Variants in WASF3 observed in about 807,000 individuals in gnomAD.
WASF3 encodes actin-binding protein WASF3.
A neutral mutation model predicts 46.6 loss-of-function variants in WASF3; 11 were observed. The observed-to-expected ratio is 0.24, with a 90% CI of 0.15 to 0.39. The LOEUF (loss-of-function observed/expected upper bound fraction) is 0.39. Among genes scored for constraint, WASF3 ranks in the 10% least tolerant of loss-of-function variants. The probability of loss-of-function intolerance (pLI) is 1.00; values close to 1 mark genes in which losing one functional copy is unlikely to be tolerated. For missense variants in WASF3, 576 were observed against 669.8 expected, an observed-to-expected ratio of 0.86 and a Z score of 1.55; for synonymous variants, 242 against 259.7, an observed-to-expected ratio of 0.93 and a Z score of 0.65.
rs182349858 is a variant in WASF3 at position 26,666,709 on chromosome 13, C to T, written c.269-808C>T. 6.6e-3 allele frequency among the ~76,000 whole-genome samples: 1,001 copies of T among 152,046 alleles called. 31 individuals carry two copies. Among genetic ancestry groups the T allele is most frequent in the Non-Finnish European group, 4.6e-3 (312 of 67,964 alleles). On this transcript the variant is annotated intron_variant, in intron 4 of 9. Coordinates refer to ENST00000335327, the MANE Select transcript of WASF3 (RefSeq NM_006646.6). ...GGTCAGGAGATCAAGACCATCCTGGCTAACATGGTGAAACCCGGTCTCTAC... is the reference window on the plus strand; with the variant it reads ...GGTCAGGAGATCAAGACCATCCTGGTTAACATGGTGAAACCCGGTCTCTAC...
chr13:26,679,940 G>A lies in WASF3; in HGVS notation c.717-1114G>A. Reference sequence around the variant, plus strand: ...CTGTGCCACATGGTGCCCCAGTTAAGAAAAGCTACCAACTGGAATCCCAAA... The same window carrying A: ...CTGTGCCACATGGTGCCCCAGTTAAAAAAAGCTACCAACTGGAATCCCAAA... On this transcript the variant is annotated intron_variant, in intron 7 of 9. Transcript: ENST00000335327. The surrounding 1 kb of genome is among the most constrained non-coding windows in gnomAD (Gnocchi z 4.8). 6.9e-7 allele frequency: 1 copy of A among 1,456,498 alleles called. No individual in the cohort carries two copies. The highest frequency in any genetic ancestry group is 9.2e-7 in the Non-Finnish European group (1 of 1,088,270). 90.2% of individuals were successfully genotyped at this position (1,456,498 alleles called of 1,614,324 possible).
In WASF3 at chr13:26,674,066, C is replaced by A. The variant is rs1593183477; in HGVS notation, c.540+2077C>A. Among the ~76,000 whole-genome samples, 3 of 152,242 alleles carry A rather than the reference C, an allele frequency of 2.0e-5. No individual in the cohort carries two copies. The South Asian group carries it at 6.2e-4, about 32-fold the overall frequency. On this transcript the variant is annotated intron_variant, in intron 6 of 9. Transcript: ENST00000335327. ...CATCCTGGGGGAGGAACCAGTTTGGCAGCTTCTAAGGATTTTAATGTAGGC... is the reference window on the plus strand; with the variant it reads ...CATCCTGGGGGAGGAACCAGTTTGGAAGCTTCTAAGGATTTTAATGTAGGC...
intron 2 of WASF3, among the ~76,000 whole-genome samples, chr13:26,631,307 C>G (rs538588460): frequency 6.6e-6 from 1 of 152,232 alleles, no homozygotes; most frequent in South Asian, 2.1e-4. Context: ...GGTTTTAGGT[C>G]TAACATTTAA....
chr13:26,657,169 T>G lies in WASF3; in HGVS notation c.134-7859T>G, dbSNP rs1285943244. Reference sequence around the variant, plus strand: ...GCCAGCAGAATTTCAACAAAATCCCTTGTCAACAAAACTTCACAAAGTGCC... The same window carrying G: ...GCCAGCAGAATTTCAACAAAATCCCGTGTCAACAAAACTTCACAAAGTGCC... On this transcript the variant is annotated intron_variant, in intron 3 of 9. Transcript: ENST00000335327. Among the ~76,000 whole-genome samples the G allele has an allele frequency of 3.3e-5, 5 of 152,342 alleles. No individual in the cohort carries two copies. In the East Asian group the frequency reaches 9.6e-4, roughly 29 times the overall value.
At position 26,682,333 on chromosome 13, in the gene WASF3, G is replaced by C. The variant is rs375269470; in HGVS notation, c.984-274G>C. ...GCCGTCCTGGCCTCTGCAGTCAGCT[G>C]CTTTATTCTGCCTTTCTTCAGGAAG... On this transcript the variant is annotated intron_variant, in intron 8 of 9. Transcript: ENST00000335327. This position sits in a 1 kb window ranked among gnomAD's most constrained non-coding sequence, Gnocchi z 4.4. Among the ~76,000 whole-genome samples the C allele has an allele frequency of 2.6e-4, 39 of 152,342 alleles. No homozygotes were observed. Among genetic ancestry groups the C allele is most frequent in the African/African-American group, 8.9e-4 (37 of 41,574 alleles).
chr13:26,673,894 G>T (rs1882988848), intron 6 of WASF3, among the ~76,000 whole-genome samples: 1 of 152,174 alleles, frequency 6.6e-6, no homozygotes, highest in African/African-American at 2.4e-5. Flanking sequence ...CTCTAAGGAG[G>T]TGTCATGCAG....
chr13:26,665,303 A>G, intron 4 of WASF3, 141 bp downstream of exon 4: 1 of 994,182 alleles, frequency 1.0e-6, no homozygotes, highest in South Asian at 1.7e-5. Flanking sequence ...AGCGAGGGGG[A>G]AAAACCTACA....
intron 8 of WASF3, among the ~76,000 whole-genome samples, chr13:26,681,856 C>T (rs1883241288): frequency 6.6e-6 from 1 of 152,050 alleles, no homozygotes; most frequent in Non-Finnish European, 1.5e-5. Flanking sequence ...ATTTAGGCAC[C>T]CACCTCTCTT....
intron 2 of WASF3, among the ~76,000 whole-genome samples, chr13:26,616,081 T>C (rs1480057031): frequency 6.6e-6 from 1 of 152,248 alleles, no homozygotes; most frequent in Non-Finnish European, 1.5e-5. Flanking sequence ...TGAACATTCA[T>C]ATACAAGTCT....
At position 26,584,296 on chromosome 13, in the gene WASF3, C is replaced by G. The variant is rs759798730; in HGVS notation, c.-109+26477C>G. 2.4e-4 allele frequency among the ~76,000 whole-genome samples: 37 copies of G among 152,272 alleles called. 1 individual carries two copies. The highest frequency in any genetic ancestry group is 3.2e-4 in the Non-Finnish European group (22 of 68,022). On this transcript the variant is annotated intron_variant, in intron 1 of 9. Coordinates refer to ENST00000335327, the MANE Select transcript of WASF3 (RefSeq NM_006646.6). ...AACCATCTCAAGGTTATGAAAATTC[C>G]TGACTGTGGCAAATGTGAAAGAGTG...
chr13:26,687,724 T>TG lies in WASF3; in HGVS notation c.*1879_*1880insG, dbSNP rs1555257030. 5.0e-5 allele frequency: 1 copy of TG among 19,854 alleles called. No homozygotes were observed. Among genetic ancestry groups the TG allele is most frequent in the Non-Finnish European group, 1.9e-4 (1 of 5,382 alleles). The allele number at this position is 19,854 out of a possible 1,614,324, so 1.2% of individuals were successfully genotyped here. A position where few individuals can be genotyped will look rare whatever the true frequency, so the allele number is the denominator to read the frequency against. On this transcript the variant is annotated 3_prime_UTR_variant, in exon 10 of 10. Transcript: ENST00000335327. ...AATTTCTAATTTCTCTCTCTCTCTC[T>TG]TTTTTTTTTTTTTGTTGTTGTTAAA...
At chr13:26,641,236 C>T (rs1397547227) in intron 2 of WASF3, 1 of 152,214 alleles carries the variant, frequency 6.6e-6, no homozygotes, top group Non-Finnish European at 1.5e-5. Context: ...AAAGCCACCC[C>T]ACCTGTTTTA....
At chr13:26,616,625 T>C (rs1380943847) in intron 2 of WASF3, among the ~76,000 whole-genome samples, 1 of 152,180 alleles carries the variant, frequency 6.6e-6, no homozygotes, top group East Asian at 1.9e-4. Context: ...TTTTGCACTT[T>C]CCCCAACTCC....
chr13:26,547,960 T>C, the WASF3 span, among the ~76,000 whole-genome samples: 1 of 152,218 alleles, frequency 6.6e-6, no homozygotes, highest in Admixed American at 6.5e-5. Context: ...TTAATGTCAA[T>C]GAATGACATT....
intron 1 of WASF3, among the ~76,000 whole-genome samples, chr13:26,586,718 A>G (rs139407645): frequency 1.2e-3 from 188 of 152,292 alleles, no homozygotes; most frequent in African/African-American, 4.3e-3. Context: ...TCTGTATTAT[A>G]AATCTGGAGA....
chr13:26,670,898 A>T (rs1205815321), intron 5 of WASF3, among the ~76,000 whole-genome samples: 3 of 152,188 alleles, frequency 2.0e-5, no homozygotes, highest in African/African-American at 7.2e-5. Context: ...TTAACAGGAG[A>T]TGGCATAGCA....
At chr13:26,567,853 G>A (rs931584089) in intron 1 of WASF3, among the ~76,000 whole-genome samples, 38 of 152,108 alleles carry the variant, frequency 2.5e-4, no homozygotes, top group African/African-American at 7.0e-4. Context: ...AGCGAAGCAC[G>A]TGAAGAGAGA....
intron 5 of WASF3, among the ~76,000 whole-genome samples, chr13:26,669,038 A>G (rs114075744): frequency 0.02 from 3,027 of 151,988 alleles, 104 homozygotes; most frequent in African/African-American, 0.069. Flanking sequence ...TGTTCTAAGG[A>G]AAAAAAATCA....
chr13:26,621,239 T>C (rs1326695448), intron 2 of WASF3, among the ~76,000 whole-genome samples: 1 of 152,202 alleles, frequency 6.6e-6, no homozygotes, highest in Non-Finnish European at 1.5e-5. Flanking sequence ...ACTAAACCAT[T>C]AGCATCTTGA....
Sources: allele counts gnomAD v4.1 joint callset (sites outside exome capture counted in the v4.1 genomes callset), GRCh38; gene constraint gnomAD v4.1.1; non-coding constraint Gnocchi (gnomAD v3.1); transcripts MANE v1.5; gene names NCBI Gene and HGNC (gene_info 2026-07-23, HGNC 2026-07-21).